NELL1: variants seen among roughly 807,000 people sequenced by gnomAD.
NELL1 encodes protein kinase C-binding protein NELL1.
Under a neutral mutation model 107.4 loss-of-function variants are expected in NELL1, and 76 were observed. The observed-to-expected ratio is 0.71, with a 90% CI of 0.59 to 0.86. The LOEUF (loss-of-function observed/expected upper bound fraction) is 0.86, where lower values mean the gene tolerates loss of function less well. Among genes scored for constraint, NELL1 ranks in the 40% least tolerant of loss-of-function variants. NELL1 has a pLI of 0.00. For missense variants in NELL1, 1,024 were observed against 1,005.5 expected, an observed-to-expected ratio of 1.02 and a Z score of -0.25; for synonymous variants, 353 against 341.2, an observed-to-expected ratio of 1.03 and a Z score of -0.38.
intron 14 of NELL1, among the ~76,000 whole-genome samples, chr11:21,301,118 C>T (rs1311769055): frequency 2.0e-5 from 3 of 152,114 alleles, no homozygotes; most frequent in African/African-American, 7.2e-5. Context: ...TGTATATGTG[C>T]CACATTTTCT....
intron 16 of NELL1, among the ~76,000 whole-genome samples, chr11:21,543,082 A>G (rs1356382527): frequency 2.0e-5 from 3 of 152,086 alleles, no homozygotes; most frequent in Admixed American, 6.6e-5. Context: ...AAGAAAGTTT[A>G]AGAGACAAGG....
At chr11:21,300,755 C>A (rs947652881) in intron 14 of NELL1, among the ~76,000 whole-genome samples, 2 of 151,910 alleles carry the variant, frequency 1.3e-5, no homozygotes, top group Non-Finnish European at 2.9e-5. Context: ...CATATTATTT[C>A]TTTTTTTAAT....
chr11:21,524,366 T>C (rs778704894), intron 15 of NELL1, among the ~76,000 whole-genome samples: 13 of 152,156 alleles, frequency 8.5e-5, no homozygotes, highest in Admixed American at 3.9e-4. Context: ...AGTTCAAAAA[T>C]TCTTCCTATT....
At chr11:21,269,716 G>A (rs1848703248) in intron 14 of NELL1, among the ~76,000 whole-genome samples, 1 of 152,060 alleles carries the variant, frequency 6.6e-6, no homozygotes, top group African/African-American at 2.4e-5. Context: ...AAATCATATA[G>A]TTCAAATCAT....
chr11:21,464,215 TC>T (rs1444488478), intron 15 of NELL1, among the ~76,000 whole-genome samples: 1 of 152,018 alleles, frequency 6.6e-6, no homozygotes, highest in Non-Finnish European at 1.5e-5. Flanking sequence ...TAAAATATAC[TC>T]CCCTCTTTTT....
chr11:21,127,452 A>T (rs1855511094), intron 13 of NELL1, among the ~76,000 whole-genome samples: 1 of 152,114 alleles, frequency 6.6e-6, no homozygotes, highest in Admixed American at 6.6e-5. Context: ...AATTTAAAAA[A>T]TTAGCCAGGT....
intron 15 of NELL1, among the ~76,000 whole-genome samples, chr11:21,496,867 C>T (rs772378767): frequency 1.1e-4 from 16 of 152,060 alleles, no homozygotes; most frequent in Non-Finnish European, 1.9e-4. Context: ...TGAGTGAGGA[C>T]ATGCAGTGTT....
chr11:21,022,887 G>A (rs536851175), intron 12 of NELL1, among the ~76,000 whole-genome samples: 5 of 152,012 alleles, frequency 3.3e-5, no homozygotes, highest in Non-Finnish European at 7.4e-5. Context: ...CAAAAGAAAG[G>A]GGATGATGGT....
chr11:21,000,264 A>AT (rs1025776992), intron 12 of NELL1, among the ~76,000 whole-genome samples: 8 of 130,208 alleles, frequency 6.1e-5, no homozygotes, highest in African/African-American at 3.4e-4. Flanking sequence ...TTAAAGTATA[A>AT]TAAAAAAAAA....
intron 13 of NELL1, among the ~76,000 whole-genome samples, chr11:21,227,462 C>T (rs1857924415): frequency 6.6e-6 from 1 of 152,176 alleles, no homozygotes; most frequent in Non-Finnish European, 1.5e-5. Context: ...ATTATCTACT[C>T]ATCTTTGTAT....
intron 5 of NELL1, among the ~76,000 whole-genome samples, chr11:20,900,868 A>T (rs1849857464): frequency 6.6e-6 from 1 of 152,074 alleles, no homozygotes; most frequent in South Asian, 2.1e-4. Context: ...ATTAAAGGAG[A>T]AAAAAATCCA....
intron 14 of NELL1, among the ~76,000 whole-genome samples, chr11:21,327,986 G>T: frequency 6.6e-6 from 1 of 152,078 alleles, no homozygotes; most frequent in East Asian, 1.9e-4. Context: ...ATGTTTGGAT[G>T]ATTTACAATG....
At chr11:21,462,718 T>C (rs981654480) in intron 15 of NELL1, among the ~76,000 whole-genome samples, 2 of 152,088 alleles carry the variant, frequency 1.3e-5, no homozygotes, top group Non-Finnish European at 1.5e-5. Context: ...TCGGAGGTGA[T>C]GACTTCTGAG....
At chr11:20,798,168 T>C (rs1441537784) in intron 3 of NELL1, among the ~76,000 whole-genome samples, 1 of 152,154 alleles carries the variant, frequency 6.6e-6, no homozygotes, top group African/African-American at 2.4e-5. Flanking sequence ...CAGGCAGAAA[T>C]GAAAATGAGT....
At chr11:20,876,654 A>C (rs1328508753) in intron 4 of NELL1, among the ~76,000 whole-genome samples, 1 of 152,008 alleles carries the variant, frequency 6.6e-6, no homozygotes, top group East Asian at 1.9e-4. Flanking sequence ...AGTCCCAGCT[A>C]CTTGGGAGGC....
intron 2 of NELL1, among the ~76,000 whole-genome samples, chr11:20,735,804 T>C (rs2133927691): frequency 6.6e-6 from 1 of 152,282 alleles, no homozygotes; most frequent in East Asian, 1.9e-4. Flanking sequence ...ATGCTGACTT[T>C]GGGTTTAGGG....
intron 12 of NELL1, among the ~76,000 whole-genome samples, chr11:21,029,363 G>A (rs999299024): frequency 1.3e-5 from 2 of 151,912 alleles, no homozygotes; most frequent in African/African-American, 4.8e-5. Flanking sequence ...TTTATCTTTC[G>A]TCAATTTGGT....
chr11:20,809,731 T>C (rs1857459360), intron 3 of NELL1, among the ~76,000 whole-genome samples: 2 of 152,266 alleles, frequency 1.3e-5, no homozygotes, highest in African/African-American at 4.8e-5. Context: ...TACTATTCCA[T>C]TGTGTGTATA....
intron 14 of NELL1, among the ~76,000 whole-genome samples, chr11:21,289,618 T>G (rs546541194): frequency 6.6e-6 from 1 of 152,230 alleles, no homozygotes; most frequent in South Asian, 2.1e-4. Context: ...CTGAAGGAGT[T>G]TTTTTTCATA....
Sources: allele counts gnomAD v4.1 joint callset (sites outside exome capture counted in the v4.1 genomes callset), GRCh38; gene constraint gnomAD v4.1.1; transcripts MANE v1.5; gene names NCBI Gene and HGNC (gene_info 2026-07-23, HGNC 2026-07-21).